Variants in PTPRT observed in about 807,000 individuals in gnomAD.
PTPRT encodes the protein protein tyrosine phosphatase receptor type T.
Under a neutral mutation model 176.8 loss-of-function variants are expected in PTPRT, and 56 were observed. That is an observed-to-expected ratio of 0.32 (90% CI 0.26 to 0.40). The LOEUF (loss-of-function observed/expected upper bound fraction) is 0.40, where lower values mean the gene tolerates loss of function less well. Among genes scored for constraint, PTPRT ranks in the 10% least tolerant of loss-of-function variants. PTPRT has a pLI of 1.00. For missense variants in PTPRT, 1,540 were observed against 1,908.2 expected (o/e 0.81, Z 3.60); for synonymous variants, 783 against 739.0 (o/e 1.06, Z -0.96).
chr20:42,104,761 A>G, intron 24 of PTPRT, 43 bp from the exon 25 acceptor site: 1 of 1,518,902 alleles, frequency 6.6e-7, no homozygotes. Context: ...AGGTAAGAAC[A>G]GTGGCCTGGG....
intron 15 of PTPRT, among the ~76,000 whole-genome samples, chr20:42,211,336 A>G (rs1209469380): frequency 5.3e-5 from 8 of 151,422 alleles, no homozygotes; most frequent in African/African-American, 1.9e-4. Context: ...CAGCAAAAGA[A>G]ACTACCATCA....
chr20:43,119,080 T>C (rs2013160678), intron 1 of PTPRT, among the ~76,000 whole-genome samples: 2 of 152,242 alleles, frequency 1.3e-5, no homozygotes, highest in African/African-American at 4.8e-5. Context: ...AATTACAATA[T>C]AACCTTTGAA....
chr20:42,349,578 C>T (rs1600870561), intron 11 of PTPRT, among the ~76,000 whole-genome samples: 3 of 152,050 alleles, frequency 2.0e-5, no homozygotes, highest in East Asian at 1.9e-4. Context: ...AAGCATTGCC[C>T]GAGACAGGGT....
intron 1 of PTPRT, among the ~76,000 whole-genome samples, chr20:43,073,655 T>C (rs1025096616): frequency 2.0e-5 from 3 of 151,746 alleles, no homozygotes; most frequent in African/African-American, 7.3e-5. Context: ...ACCTTATAGA[T>C]ACATATTACA....
chr20:42,547,278 C>T (rs985313306), intron 7 of PTPRT, among the ~76,000 whole-genome samples: 1 of 151,994 alleles, frequency 6.6e-6, no homozygotes, highest in Non-Finnish European at 1.5e-5. Flanking sequence ...TGGAAACTTG[C>T]TAACATGGAC....
intron 22 of PTPRT, among the ~76,000 whole-genome samples, chr20:42,111,117 C>T (rs1471972899): frequency 1.3e-5 from 2 of 152,180 alleles, no homozygotes; most frequent in Non-Finnish European, 2.9e-5. Context: ...TTCCCCTCCC[C>T]TTTCACACCC....
intron 7 of PTPRT, among the ~76,000 whole-genome samples, chr20:42,543,596 T>C (rs1395929137): frequency 6.6e-6 from 1 of 151,996 alleles, no homozygotes; most frequent in East Asian, 1.9e-4. Flanking sequence ...TATCTTGACA[T>C]TCTCATGAAT....
At position 43,157,596 on chromosome 20, in the gene PTPRT, A is replaced by T. The variant is rs559605580; in HGVS notation, c.88+32050T>A. 2.2e-4 allele frequency among the ~76,000 whole-genome samples: 34 copies of T among 152,304 alleles called. 2 individuals are homozygous for T. The East Asian group carries it at 3.3e-3, about 15-fold the overall frequency. Reference sequence around the variant, plus strand: ...GGAGACTCACTAATTTTCCCAGGACAGTCACTCCTGGCTTATTCCAGTTGT... The same window carrying T: ...GGAGACTCACTAATTTTCCCAGGACTGTCACTCCTGGCTTATTCCAGTTGT... On this transcript the variant is annotated intron_variant, in intron 1 of 30. Coordinates refer to ENST00000373187, the MANE Select transcript of PTPRT (RefSeq NM_007050.6).
Position 42,536,509 on chromosome 20 carries a change from G to A in PTPRT, c.1154-63947C>T, listed in dbSNP as rs74957880. Among the ~76,000 whole-genome samples, 829 of 152,262 alleles carry A rather than the reference G, an allele frequency of 5.4e-3. 7 individuals carry two copies. Among genetic ancestry groups the A allele is most frequent in the African/African-American group, 0.018 (764 of 41,566 alleles). On this transcript the variant is annotated intron_variant, in intron 7 of 30. Transcript: ENST00000373187. Reference sequence around the variant, plus strand: ...GTAGCACATTTGTCAGGAGATACCTGCATTCCTGTGTGTGAACATTTTACC... The same window carrying A: ...GTAGCACATTTGTCAGGAGATACCTACATTCCTGTGTGTGAACATTTTACC...
intron 21 of PTPRT, among the ~76,000 whole-genome samples, chr20:42,117,574 C>T (rs368973624): frequency 2.8e-4 from 42 of 152,050 alleles, no homozygotes; most frequent in African/African-American, 8.4e-4. Context: ...GGAAGAAGAG[C>T]GGGTAGCAAA....
chr20:42,040,841 A>AG, the PTPRT span, among the ~76,000 whole-genome samples: 3 of 152,184 alleles, frequency 2.0e-5, no homozygotes, highest in Non-Finnish European at 4.4e-5. Flanking sequence ...ATGTGCCTTC[A>AG]GGGGGTGTTA....
chr20:42,373,132 T>C (rs2058608732), intron 9 of PTPRT, among the ~76,000 whole-genome samples: 2 of 152,312 alleles, frequency 1.3e-5, no homozygotes, highest in Admixed American at 6.5e-5. Context: ...GCAGTATACA[T>C]TGCGTTATTT....
chr20:42,188,503 G>A (rs1990868396), intron 16 of PTPRT, among the ~76,000 whole-genome samples: 1 of 152,090 alleles, frequency 6.6e-6, no homozygotes, highest in Non-Finnish European at 1.5e-5. Context: ...TAGCATTGTT[G>A]AGAATATTAA....
chr20:42,425,297 T>C (rs1008971696), intron 9 of PTPRT, among the ~76,000 whole-genome samples: 3 of 152,156 alleles, frequency 2.0e-5, no homozygotes, highest in Admixed American at 6.5e-5. Flanking sequence ...GGGGGGTGCA[T>C]AAACCAGTTA....
At chr20:43,097,083 G>C (rs2012202266) in intron 1 of PTPRT, among the ~76,000 whole-genome samples, 1 of 152,212 alleles carries the variant, frequency 6.6e-6, no homozygotes, top group African/African-American at 2.4e-5. Context: ...TTGCTGATGA[G>C]CGTTGGCCTC....
chr20:43,003,659 G>A (rs971954995), intron 1 of PTPRT, among the ~76,000 whole-genome samples: 2 of 152,116 alleles, frequency 1.3e-5, no homozygotes, highest in African/African-American at 2.4e-5. Flanking sequence ...GAAGTATCTC[G>A]CATTGTTTTT....
chr20:42,245,805 G>A (rs1272070063), intron 14 of PTPRT, among the ~76,000 whole-genome samples: 1 of 152,116 alleles, frequency 6.6e-6, no homozygotes, highest in African/African-American at 2.4e-5. Flanking sequence ...TGTGGTTATA[G>A]CTTTAGGGGG....
At chr20:42,375,288 G>A (rs749333609) in intron 9 of PTPRT, among the ~76,000 whole-genome samples, 8 of 152,172 alleles carry the variant, frequency 5.3e-5, no homozygotes, top group Non-Finnish European at 1.0e-4. Flanking sequence ...CCCTCAGAGA[G>A]GTTACATTCT....
At chr20:42,832,937 C>T (rs1311686212) in intron 2 of PTPRT, among the ~76,000 whole-genome samples, 1 of 151,218 alleles carries the variant, frequency 6.6e-6, no homozygotes, top group African/African-American at 2.4e-5. Context: ...TGTGTCTCTA[C>T]AAAAATATTA....
Sources: allele counts gnomAD v4.1 joint callset (sites outside exome capture counted in the v4.1 genomes callset), GRCh38; gene constraint gnomAD v4.1.1; transcripts MANE v1.5; gene names NCBI Gene and HGNC (gene_info 2026-07-23, HGNC 2026-07-21).